NXPH2: variants seen among roughly 807,000 people sequenced by gnomAD.
NXPH2 encodes the protein neurexophilin 2, also known as neurexophilin-2.
A neutral mutation model predicts 19.8 loss-of-function variants in NXPH2; 5 were observed. The observed-to-expected ratio is 0.25, with a 90% CI of 0.13 to 0.53. The LOEUF (loss-of-function observed/expected upper bound fraction) is 0.53. Among genes scored for constraint, NXPH2 ranks in the 20% least tolerant of loss-of-function variants. NXPH2 has a pLI of 0.96. For synonymous variants in NXPH2, 154 were observed against 127.4 expected (o/e 1.21, Z -1.41); for missense variants, 289 against 322.8 (o/e 0.90, Z 0.80).
chr2:138,754,822 G>A (rs1185726280), intron 1 of NXPH2, among the ~76,000 whole-genome samples: 1 of 152,036 alleles, frequency 6.6e-6, no homozygotes, highest in Non-Finnish European at 1.5e-5. Flanking sequence ...ACAATTTTGT[G>A]TTTTGATCAG....
In NXPH2 at chr2:138,671,587, C is replaced by A; in HGVS notation, c.130G>T (p.Val44Phe). 1 of 1,612,954 alleles carries A rather than the reference C, an allele frequency of 6.2e-7. No individual in the cohort carries two copies. The highest frequency in any genetic ancestry group is 1.3e-5 in the African/African-American group (1 of 75,016). ...WEDKDAPGTL[V>F]GNVVHSRIIS... ...ATCCTTGAGTGCACCACGTTGCCGA[C>A]CAACGTCCCTGGAGCATCTTTGTCT... is the stretch of plus-strand genomic sequence containing the variant. Residue 44 changes from valine to phenylalanine, a missense_variant, in exon 2 of 2, where the codon GTC becomes TTC. Coordinates refer to ENST00000272641, the MANE Select transcript of NXPH2 (RefSeq NM_007226.3).
intron 1 of NXPH2, among the ~76,000 whole-genome samples, chr2:138,724,734 T>C (rs1347075515): frequency 6.6e-6 from 1 of 152,214 alleles, no homozygotes; most frequent in Non-Finnish European, 1.5e-5. Flanking sequence ...TATGTGTGTG[T>C]TTTTTTGTCC....
chr2:138,724,579 C>T (rs1195226532), intron 1 of NXPH2, among the ~76,000 whole-genome samples: 1 of 152,174 alleles, frequency 6.6e-6, no homozygotes, highest in African/African-American at 2.4e-5. Context: ...CATTTTTCCC[C>T]TGGAACTATT....
chr2:138,711,777 A>G (rs1681109202), intron 1 of NXPH2, among the ~76,000 whole-genome samples: 1 of 152,120 alleles, frequency 6.6e-6, no homozygotes, highest in Non-Finnish European at 1.5e-5. Flanking sequence ...TGTCTGCCTC[A>G]TGACATGGCC....
chr2:138,734,405 T>C (rs186274783), intron 1 of NXPH2, among the ~76,000 whole-genome samples: 3 of 152,336 alleles, frequency 2.0e-5, no homozygotes, highest in Admixed American at 1.3e-4. Flanking sequence ...TAAAGCTGAA[T>C]TTCTGTTGTC....
At chr2:138,707,091 T>G (rs536078696) in intron 1 of NXPH2, among the ~76,000 whole-genome samples, 1 of 1,208 alleles carries the variant, frequency 8.3e-4, no homozygotes, top group Non-Finnish European at 2.5e-3. Context: ...ACTTGCCCCA[T>G]GACAAAAAAA....
intron 1 of NXPH2, among the ~76,000 whole-genome samples, chr2:138,734,815 TG>T (rs1681514176): frequency 1.3e-5 from 2 of 152,274 alleles, no homozygotes; most frequent in South Asian, 4.2e-4. Flanking sequence ...AGATGCAATA[TG>T]GTGAGCATGG....
At chr2:138,679,988 C>T (rs906354023) in intron 1 of NXPH2, among the ~76,000 whole-genome samples, 2 of 151,948 alleles carry the variant, frequency 1.3e-5, no homozygotes, top group Non-Finnish European at 2.9e-5. Flanking sequence ...TCACTGCGTC[C>T]TCCAGTGGCT....
At chr2:138,705,078 C>T (rs752145673) in intron 1 of NXPH2, among the ~76,000 whole-genome samples, 4 of 152,008 alleles carry the variant, frequency 2.6e-5, no homozygotes, top group South Asian at 2.1e-4. Context: ...CTGCCTGCCT[C>T]GGCCTCCCAA....
At chr2:138,779,276 C>T (rs1383148363) in intron 1 of NXPH2, among the ~76,000 whole-genome samples, 1 of 152,186 alleles carries the variant, frequency 6.6e-6, no homozygotes, top group Non-Finnish European at 1.5e-5. Flanking sequence ...CAGATGCTGA[C>T]CCAGCCAAAG....
intron 1 of NXPH2, among the ~76,000 whole-genome samples, chr2:138,719,044 T>C (rs572943654): frequency 2.8e-4 from 43 of 152,326 alleles, no homozygotes; most frequent in African/African-American, 9.4e-4. Flanking sequence ...CACTTGTTTA[T>C]GTTTATTCCT....
In NXPH2 at chr2:138,775,114, C is replaced by G. The variant is rs116959411; in HGVS notation, c.51+5077G>C. On this transcript the variant is annotated intron_variant, in intron 1 of 1. Coordinates refer to ENST00000272641, the MANE Select transcript of NXPH2 (RefSeq NM_007226.3). Reference sequence around the variant, plus strand: ...AGCACAAGAATGGCAATTTTAGATACAACTATTTGATCTTTGTGAATGATC... The same window carrying G: ...AGCACAAGAATGGCAATTTTAGATAGAACTATTTGATCTTTGTGAATGATC... Among the ~76,000 whole-genome samples the G allele has an allele frequency of 1.1e-3, 173 of 152,190 alleles. No individual in the cohort carries two copies. The East Asian group carries it at 0.027, about 24-fold the overall frequency.
chr2:138,765,763 G>GATAATATGTGATATTATT (rs1682079974), intron 1 of NXPH2, among the ~76,000 whole-genome samples: 1 of 152,124 alleles, frequency 6.6e-6, no homozygotes, highest in Admixed American at 6.5e-5. Context: ...TATAACCTGG[G>GATAATATGTGATATTATT]TTTGTGATAA....
chr2:138,689,601 A>C (rs1480079657), intron 1 of NXPH2, among the ~76,000 whole-genome samples: 1 of 152,208 alleles, frequency 6.6e-6, no homozygotes, highest in African/African-American at 2.4e-5. Flanking sequence ...AAATCTGATT[A>C]TTTCAGACTA....
intron 1 of NXPH2, among the ~76,000 whole-genome samples, chr2:138,729,123 TCTC>T (rs934072511): frequency 9.0e-6 from 1 of 110,638 alleles, no homozygotes; most frequent in African/African-American, 4.3e-5. Context: ...ACTGTCTCCT[TCTC>T]CTCAACAGCT....
At chr2:138,761,494 C>T (rs1355880936) in intron 1 of NXPH2, among the ~76,000 whole-genome samples, 2 of 152,184 alleles carry the variant, frequency 1.3e-5, no homozygotes, top group African/African-American at 2.4e-5. Flanking sequence ...CTTACTAATG[C>T]ATCTGCTGTG....
At chr2:138,775,183 A>G (rs1682242275) in intron 1 of NXPH2, among the ~76,000 whole-genome samples, 1 of 152,172 alleles carries the variant, frequency 6.6e-6, no homozygotes, top group South Asian at 2.1e-4. Context: ...TTTGGGCTTA[A>G]ATAATGGAAA....
intron 1 of NXPH2, among the ~76,000 whole-genome samples, chr2:138,690,067 C>T (rs1233143875): frequency 1.3e-5 from 2 of 152,136 alleles, no homozygotes; most frequent in Non-Finnish European, 2.9e-5. Flanking sequence ...ATAATAAGGT[C>T]ATTTGTGCTG....
intron 1 of NXPH2, among the ~76,000 whole-genome samples, chr2:138,773,536 G>C (rs1682211238): frequency 6.6e-6 from 1 of 151,744 alleles, no homozygotes; most frequent in African/African-American, 2.4e-5. Context: ...AATGGAATTT[G>C]GGAATAGAAA....
Sources: allele counts gnomAD v4.1 joint callset (sites outside exome capture counted in the v4.1 genomes callset), GRCh38; gene constraint gnomAD v4.1.1; transcripts MANE v1.5; gene names NCBI Gene and HGNC (gene_info 2026-07-23, HGNC 2026-07-21).